The following PIWIL4 variants were observed in gnomAD, a reference collection of about 807,000 sequenced individuals.
The protein encoded by PIWIL4 is piwi like RNA-mediated gene silencing 4.
A neutral mutation model predicts 100.9 loss-of-function variants in PIWIL4; 50 were observed. The observed-to-expected ratio is 0.50, with a 90% CI of 0.39 to 0.63. PIWIL4 has a LOEUF of 0.63. Ranked by LOEUF, PIWIL4 falls within the 20% of genes least tolerant of loss-of-function variation. The pLI, the probability that PIWIL4 is intolerant of heterozygous loss-of-function variation, is 0.00. For synonymous variants in PIWIL4, 342 were observed against 367.5 expected, an observed-to-expected ratio of 0.93 and a Z score of 0.79; for missense variants, 887 against 1,043.3, an observed-to-expected ratio of 0.85 and a Z score of 2.06.
intron 8 of PIWIL4, among the ~76,000 whole-genome samples, chr11:94,591,861 CA>C (rs1948490682): frequency 6.6e-6 from 1 of 152,152 alleles, no homozygotes; most frequent in African/African-American, 2.4e-5. Flanking sequence ...TTTATCTTAT[CA>C]TACAAAGTAT....
rs1948751850 is a variant in PIWIL4 at position 94,608,606 on chromosome 11, T to C, written c.1863T>C (p.Gly621=). Residue 621 remains glycine, a synonymous_variant, in exon 15 of 20, where the codon GGT becomes GGC. Coordinates refer to ENST00000299001, the MANE Select transcript of PIWIL4 (RefSeq NM_152431.3). ...AGTTAAAGTCCCTGATGGTGGTCGG[T>C]ATTGATGTCTGTAAAGATGCACTCA... ...EIPLKSLMVV[G]IDVCKDALSK... The C allele has an allele frequency of 6.2e-7, 1 of 1,614,010 alleles. No individual in the cohort carries two copies. The highest frequency in any genetic ancestry group is 1.7e-5 in the Admixed American group (1 of 60,000).
intron 11 of PIWIL4, among the ~76,000 whole-genome samples, chr11:94,600,132 C>A (rs962403923): frequency 6.6e-6 from 1 of 152,010 alleles, no homozygotes; most frequent in African/African-American, 2.4e-5. Flanking sequence ...GCTAACATTC[C>A]CCCTCTTCAG....
intron 3 of PIWIL4, among the ~76,000 whole-genome samples, chr11:94,576,628 G>A (rs1054335419): frequency 4.6e-5 from 7 of 152,056 alleles, no homozygotes; most frequent in African/African-American, 1.7e-4. Flanking sequence ...TGTCTGTAAG[G>A]GGCTGGAAGT....
intron 12 of PIWIL4, among the ~76,000 whole-genome samples, chr11:94,602,994 TTC>T (rs1262521883): frequency 1.3e-5 from 2 of 152,276 alleles, no homozygotes; most frequent in Non-Finnish European, 2.9e-5. Context: ...CATTGCTATG[TTC>T]TGTCCTTGGC....
At chr11:94,591,860 T>C (rs1948490589) in intron 8 of PIWIL4, among the ~76,000 whole-genome samples, 1 of 152,196 alleles carries the variant, frequency 6.6e-6, no homozygotes, top group Admixed American at 6.5e-5. Context: ...TTTTATCTTA[T>C]CATACAAAGT....
chr11:94,606,336 T>G (rs1948716440), intron 13 of PIWIL4, among the ~76,000 whole-genome samples: 1 of 152,208 alleles, frequency 6.6e-6, no homozygotes, highest in African/African-American at 2.4e-5. Context: ...TTTCTTCACT[T>G]TATATAATTA....
intron 5 of PIWIL4, among the ~76,000 whole-genome samples, chr11:94,584,529 C>T (rs545242162): frequency 1.6e-3 from 241 of 152,292 alleles, no homozygotes; most frequent in Non-Finnish European, 2.8e-3. Context: ...AGTTCTTTCA[C>T]TTGTCTTTTA....
chr11:94,588,888 C>T (rs1948441448), intron 7 of PIWIL4, among the ~76,000 whole-genome samples: 1 of 152,252 alleles, frequency 6.6e-6, no homozygotes, highest in Middle Eastern at 3.4e-3. Flanking sequence ...AAGGACTTTC[C>T]CACAGGTTTT....
intron 4 of PIWIL4, among the ~76,000 whole-genome samples, chr11:94,578,445 A>G (rs1259246908): frequency 1.3e-5 from 2 of 152,186 alleles, no homozygotes; most frequent in African/African-American, 4.8e-5. Flanking sequence ...GGTCTTCTCA[A>G]TTAGGGCATG....
In PIWIL4 at chr11:94,587,259, C is replaced by A. The variant is rs142535284; in HGVS notation, c.914+12C>A. The A allele has an allele frequency of 2.8e-4, 448 of 1,600,656 alleles. 6 individuals carry two copies. In the East Asian group the frequency reaches 9.8e-3, roughly 35 times the overall value. On this transcript the variant is annotated intron_variant, in intron 7 of 19. Coordinates refer to ENST00000299001, the MANE Select transcript of PIWIL4 (RefSeq NM_152431.3). ...ATTGTCCTTACAAGGTACAAGCCTG[C>A]GTCTAAATAAACTTTTCTTCAGAAA...
intron 16 of PIWIL4, 39 bp downstream of exon 16, chr11:94,616,602 T>C: frequency 6.6e-7 from 1 of 1,509,040 alleles, no homozygotes; most frequent in Non-Finnish European, 9.1e-7. Context: ...CTCCAAGGAC[T>C]GTTCCTTCAG....
At chr11:94,573,669 T>C (rs1410547518) in intron 2 of PIWIL4, among the ~76,000 whole-genome samples, 1 of 152,224 alleles carries the variant, frequency 6.6e-6, no homozygotes, top group African/African-American at 2.4e-5. Context: ...AGCTTTTTGA[T>C]ATGCGCACAT....
At chr11:94,619,659 A>T (rs1948885034) in intron 17 of PIWIL4, 101 bp from the exon 18 acceptor site, 1 of 1,321,900 alleles carries the variant, frequency 7.6e-7, no homozygotes, top group Non-Finnish European at 1.0e-6. Context: ...AGTGTTTTTC[A>T]AATGGAATTT....
intron 7 of PIWIL4, 21 bp downstream of exon 7, chr11:94,587,268 A>T: frequency 6.3e-7 from 1 of 1,596,012 alleles, no homozygotes; most frequent in Non-Finnish European, 8.6e-7. Context: ...GCGTCTAAAT[A>T]AACTTTTCTT....
intron 3 of PIWIL4, among the ~76,000 whole-genome samples, chr11:94,575,369 A>G (rs1211088578): frequency 1.3e-5 from 2 of 152,190 alleles, no homozygotes; most frequent in East Asian, 3.9e-4. Context: ...TTTTCTTCAT[A>G]TACTGGGGTG....
rs765669841 is a variant in PIWIL4, at chr11:94,618,030, T to C, written c.2091T>C (p.Asp697=). 7 of 1,609,146 alleles carry C rather than the reference T, an allele frequency of 4.4e-6. 1 individual carries two copies. The African/African-American group carries it at 9.4e-5, about 22-fold the overall frequency. ...RIIVYRAGVG[D]GQLKTLIEYE... is the part of the protein sequence containing the mutation. ...TTGTGTACCGTGCTGGTGTAGGGGATGGTCAGCTGAAAACACTTATTGAAT... is the reference window on the plus strand; with the variant it reads ...TTGTGTACCGTGCTGGTGTAGGGGACGGTCAGCTGAAAACACTTATTGAAT... Residue 697 remains aspartate, a synonymous_variant, in exon 17 of 20, where the codon GAT becomes GAC. Transcript: ENST00000299001.
chr11:94,593,821 T>A (rs538505658), intron 9 of PIWIL4, among the ~76,000 whole-genome samples, 180 bp downstream of exon 9: 1 of 152,314 alleles, frequency 6.6e-6, no homozygotes, highest in East Asian at 1.9e-4. Context: ...ATTCCCTTTA[T>A]CTCATATATT....
intron 8 of PIWIL4, among the ~76,000 whole-genome samples, chr11:94,591,432 T>C (rs1019852681): frequency 6.6e-6 from 1 of 152,262 alleles, no homozygotes; most frequent in Non-Finnish European, 1.5e-5. Flanking sequence ...TGTGCATTCA[T>C]CACATTGTTT....
intron 12 of PIWIL4, among the ~76,000 whole-genome samples, chr11:94,602,656 T>A (rs1476225286): frequency 1.3e-5 from 2 of 152,240 alleles, no homozygotes; most frequent in African/African-American, 4.8e-5. Flanking sequence ...ATAAAGTTGG[T>A]CATGCCTCAT....
Sources: allele counts gnomAD v4.1 joint callset (sites outside exome capture counted in the v4.1 genomes callset), GRCh38; gene constraint gnomAD v4.1.1; transcripts MANE v1.5; gene names NCBI Gene and HGNC (gene_info 2026-07-23, HGNC 2026-07-21).